Variants in CHST11 observed in about 807,000 individuals in gnomAD.
CHST11 encodes C4S-1.
CHST11 carries 9 observed loss-of-function variants against 30.4 expected under a neutral mutation model. That is an observed-to-expected ratio of 0.30 (90% confidence interval 0.18 to 0.52). CHST11 has a LOEUF of 0.52. Among genes scored for constraint, CHST11 ranks in the 20% least tolerant of loss-of-function variants. CHST11 has a pLI of 0.97. For missense variants in CHST11, 348 were observed against 460.6 expected (o/e 0.76, Z 2.24); for synonymous variants, 152 against 187.8 (o/e 0.81, Z 1.56).
At chr12:104,645,861 G>T (rs2136078434) in intron 2 of CHST11, among the ~76,000 whole-genome samples, 1 of 152,314 alleles carries the variant, frequency 6.6e-6, no homozygotes, top group South Asian at 2.1e-4. Flanking sequence ...ACAAATTAGG[G>T]TGTGGCTCCC....
chr12:104,514,161 T>C, intron 1 of CHST11: 1 of 1,034,362 alleles, frequency 9.7e-7, no homozygotes, highest in Non-Finnish European at 1.5e-6. Flanking sequence ...CTACAGCAGT[T>C]CCCTACTCCA....
chr12:104,578,486 T>C (rs1220743463), intron 1 of CHST11, among the ~76,000 whole-genome samples: 1 of 152,184 alleles, frequency 6.6e-6, no homozygotes, highest in Non-Finnish European at 1.5e-5. Flanking sequence ...TCTTTATCTT[T>C]CTGGTTGCAT....
At chr12:104,678,611 G>T (rs2039764517) in intron 2 of CHST11, among the ~76,000 whole-genome samples, 1 of 152,206 alleles carries the variant, frequency 6.6e-6, no homozygotes, top group Non-Finnish European at 1.5e-5. Context: ...TTACTGAATT[G>T]ATTCAGCAAT....
intron 2 of CHST11, among the ~76,000 whole-genome samples, chr12:104,638,485 T>C (rs12809841): frequency 0.048 from 7,300 of 152,200 alleles, 347 homozygotes; most frequent in African/African-American, 0.12. Context: ...GATGGGAAAA[T>C]GCAGTCAGCA....
intron 2 of CHST11, among the ~76,000 whole-genome samples, chr12:104,685,831 G>A (rs1471074888): frequency 1.3e-5 from 2 of 152,210 alleles, no homozygotes; most frequent in Non-Finnish European, 2.9e-5. Flanking sequence ...TTCCCTTGCT[G>A]AGACATGAAT....
At chr12:104,484,116 C>T (rs1173931531) in intron 1 of CHST11, among the ~76,000 whole-genome samples, 1 of 152,198 alleles carries the variant, frequency 6.6e-6, no homozygotes, top group Non-Finnish European at 1.5e-5. Context: ...GCATCATGGT[C>T]AGAGTGACCC....
At chr12:104,571,467 C>T (rs1355659484) in intron 1 of CHST11, among the ~76,000 whole-genome samples, 1 of 152,148 alleles carries the variant, frequency 6.6e-6, no homozygotes, top group African/African-American at 2.4e-5. Flanking sequence ...CGGCGACAGA[C>T]AATATTATTA....
chr12:104,495,455 A>G (rs908179748), intron 1 of CHST11, among the ~76,000 whole-genome samples: 1 of 152,162 alleles, frequency 6.6e-6, no homozygotes, highest in Admixed American at 6.5e-5. Context: ...CAAGGGTTCC[A>G]GTTTCCCCAC....
chr12:104,498,537 A>G lies in CHST11; in HGVS notation c.118+41008A>G, dbSNP rs2135972722. Among the ~76,000 whole-genome samples the G allele has an allele frequency of 1.3e-5, 2 of 152,288 alleles. 1 individual carries two copies. The highest frequency in any genetic ancestry group is 4.1e-4 in the South Asian group (2 of 4,824). ...AGGGATGTGTACAGGAAGGCTGGGG[A>G]TGGTGTTAGCGCCTCATGACTGGGA... On this transcript the variant is annotated intron_variant, in intron 1 of 2. Coordinates refer to ENST00000303694, the MANE Select transcript of CHST11 (RefSeq NM_018413.6).
chr12:104,498,095 T>G (rs1388475994), intron 1 of CHST11, among the ~76,000 whole-genome samples: 1 of 151,864 alleles, frequency 6.6e-6, no homozygotes, highest in Non-Finnish European at 1.5e-5. Flanking sequence ...ATTTTTTGTA[T>G]TTTTAGTAGA....
chr12:104,479,217 G>A (rs1359165027), intron 1 of CHST11, among the ~76,000 whole-genome samples: 1 of 151,738 alleles, frequency 6.6e-6, no homozygotes, highest in African/African-American at 2.4e-5. Flanking sequence ...ACTCAGTGTG[G>A]CAGAGACCAA....
At chr12:104,532,460 A>G (rs1193179483) in intron 1 of CHST11, among the ~76,000 whole-genome samples, 1 of 152,188 alleles carries the variant, frequency 6.6e-6, no homozygotes, top group Non-Finnish European at 1.5e-5. Flanking sequence ...TTTATTACAA[A>G]GAATACCAAG....
chr12:104,482,846 A>C (rs1025352591), intron 1 of CHST11, among the ~76,000 whole-genome samples: 19 of 152,052 alleles, frequency 1.2e-4, no homozygotes, highest in African/African-American at 4.3e-4. Context: ...TGTCTTAAAA[A>C]TGTCCCCACT....
At chr12:104,502,229 C>T (rs146325460) in intron 1 of CHST11, among the ~76,000 whole-genome samples, 10 of 151,972 alleles carry the variant, frequency 6.6e-5, no homozygotes, top group South Asian at 4.2e-4. Flanking sequence ...TGGGGTGTGG[C>T]GGGGCAGTGG....
intron 2 of CHST11, among the ~76,000 whole-genome samples, chr12:104,633,200 GC>G (rs2039288603): frequency 6.6e-6 from 1 of 152,204 alleles, no homozygotes; most frequent in African/African-American, 2.4e-5. Context: ...TTGGATGTGA[GC>G]ACCAACTGAG....
At chr12:104,645,243 G>A (rs1217237270) in intron 2 of CHST11, among the ~76,000 whole-genome samples, 8 of 152,158 alleles carry the variant, frequency 5.3e-5, no homozygotes, top group African/African-American at 1.4e-4. Flanking sequence ...CACCACGCCC[G>A]GCCTTCCACT....
chr12:104,595,549 G>A (rs1247184355), intron 1 of CHST11, among the ~76,000 whole-genome samples: 1 of 152,164 alleles, frequency 6.6e-6, no homozygotes, highest in Non-Finnish European at 1.5e-5. Flanking sequence ...GGGACTTAGC[G>A]ATCACCTGGT....
intron 1 of CHST11, among the ~76,000 whole-genome samples, chr12:104,460,925 A>G (rs1015507792): frequency 7.9e-5 from 12 of 151,924 alleles, no homozygotes; most frequent in African/African-American, 2.7e-4. Context: ...CAGGTTTTAG[A>G]CTCCATTTTA....
chr12:104,572,967 A>G (rs967178952), intron 1 of CHST11, among the ~76,000 whole-genome samples: 49 of 152,344 alleles, frequency 3.2e-4, no homozygotes, highest in African/African-American at 1.2e-3. Flanking sequence ...AGAAAACCCC[A>G]TCGTCTCAGC....
Sources: gnomAD v4.1 joint callset for allele counts (sites outside exome capture counted in the v4.1 genomes callset) on GRCh38, gnomAD v4.1.1 for gene constraint, MANE v1.5 for transcripts, NCBI Gene and HGNC (gene_info 2026-07-23, HGNC 2026-07-21) for gene names.